The following GLG1 variants were observed in gnomAD, a reference collection of about 807,000 sequenced individuals.
GLG1 encodes the protein golgi glycoprotein 1.
A neutral mutation model predicts 160.5 loss-of-function variants in GLG1; 38 were observed. The observed-to-expected ratio is 0.24, with a 90% CI of 0.18 to 0.31. GLG1 has a LOEUF of 0.31. Ranked by LOEUF, GLG1 falls within the 10% of genes least tolerant of loss-of-function variation. The pLI, the probability that GLG1 is intolerant of heterozygous loss-of-function variation, is 1.00. For missense variants in GLG1, 1,373 were observed against 1,505.2 expected (o/e 0.91, Z 1.45); for synonymous variants, 644 against 543.4 (o/e 1.19, Z -2.57).
intron 1 of GLG1, among the ~76,000 whole-genome samples, chr16:74,588,435 C>A (rs1958099135): frequency 6.6e-6 from 1 of 151,910 alleles, no homozygotes; most frequent in South Asian, 2.1e-4. Flanking sequence ...CTGTTTCTTT[C>A]TTTCTTTTTT....
intron 1 of GLG1, among the ~76,000 whole-genome samples, chr16:74,580,766 A>G (rs1957921098): frequency 2.0e-5 from 3 of 152,192 alleles, no homozygotes; most frequent in African/African-American, 7.2e-5. Context: ...CTATCTGATG[A>G]GAGGTTAATA....
Position 74,452,980 on chromosome 16 carries a change from G to C in GLG1, c.*187C>G, listed in dbSNP as rs937642925. ...AGCGACCAGCTGCTGCTGCTGCACG[G>C]TGAGGAGGAGGAGGACACCATGGAC... On this transcript the variant is annotated 3_prime_UTR_variant, in exon 26 of 26. Coordinates refer to ENST00000422840, the MANE Select transcript of GLG1 (RefSeq NM_001145667.2). 7.6e-7 allele frequency: 1 copy of C among 1,309,260 alleles called. No individual in the cohort carries two copies. Among genetic ancestry groups the C allele is most frequent in the Admixed American group, 3.6e-5 (1 of 27,652 alleles). The allele number at this position is 1,309,260 out of a possible 1,614,324, so 81.1% of individuals were successfully genotyped here. A position where few individuals can be genotyped will look rare whatever the true frequency, so the allele number is the denominator to read the frequency against.
At chr16:74,492,823 G>GAA (rs370571319) in intron 7 of GLG1, 134 bp downstream of exon 7, 3,164 of 328,224 alleles carry the variant, frequency 9.6e-3, no homozygotes, top group Middle Eastern at 0.013. Context: ...TCCGTCTCAA[G>GAA]AAAAAAAAAA....
rs1298333461 is a variant in GLG1 at position 74,505,882 on chromosome 16, T to C, written c.559-2136A>G. On this transcript the variant is annotated intron_variant, in intron 3 of 25. Coordinates refer to ENST00000422840, the MANE Select transcript of GLG1 (RefSeq NM_001145667.2). ...AACAAATAAACAAAAAACCCAAAAT[T>C]AGCTGAGTGTGGTGCCACGCATCTG... Among the ~76,000 whole-genome samples the C allele has an allele frequency of 7.9e-5, 12 of 151,578 alleles. 1 individual carries two copies. Among genetic ancestry groups the C allele is most frequent in the Admixed American group, 7.2e-4 (11 of 15,210 alleles).
chr16:74,594,598 A>G (rs1958257632), intron 1 of GLG1, among the ~76,000 whole-genome samples: 1 of 152,182 alleles, frequency 6.6e-6, no homozygotes, highest in African/African-American at 2.4e-5. Flanking sequence ...ATCTAAGGCA[A>G]CCAAAATAAG....
chr16:74,491,950 TAAAACAAAAC>T lies in GLG1; in HGVS notation c.1235-745_1235-736del, dbSNP rs976579008. Among the ~76,000 whole-genome samples, 22 of 151,026 alleles carry T rather than the reference TAAAACAAAAC, an allele frequency of 1.5e-4. 2 individuals are homozygous for T. Among genetic ancestry groups the T allele is most frequent in the Admixed American group, 4.0e-4 (6 of 15,084 alleles). On this transcript the variant is annotated intron_variant, in intron 7 of 25. Coordinates refer to ENST00000422840, the MANE Select transcript of GLG1 (RefSeq NM_001145667.2). Reference sequence around the variant, plus strand: ...CCAGGAAAACTTAAAACAAAAAGATTAAAACAAAACAAAACAAAACAAAAACAGGTCACCC... The same window carrying T: ...CCAGGAAAACTTAAAACAAAAAGATTAAAACAAAACAAAAACAGGTCACCC...
chr16:74,591,019 C>T (rs1020052621), intron 1 of GLG1, among the ~76,000 whole-genome samples: 2 of 151,934 alleles, frequency 1.3e-5, no homozygotes, highest in Admixed American at 6.6e-5. Context: ...CAAAACTCTG[C>T]TGCCTAGTTA....
At chr16:74,506,525 C>T (rs891613691) in intron 3 of GLG1, among the ~76,000 whole-genome samples, 28 of 127,544 alleles carry the variant, frequency 2.2e-4, no homozygotes, top group Admixed American at 6.9e-4. Context: ...GAGCTTGCAG[C>T]GAGCAGAGAT....
chr16:74,483,986 C>T (rs558550345), intron 9 of GLG1, among the ~76,000 whole-genome samples: 145 of 151,198 alleles, frequency 9.6e-4, no homozygotes, highest in Non-Finnish European at 1.4e-3. Context: ...CTTTTTTTTT[C>T]ACAAGTTTGT....
At chr16:74,602,497 G>A (rs1052411947) in intron 1 of GLG1, among the ~76,000 whole-genome samples, 4 of 152,290 alleles carry the variant, frequency 2.6e-5, no homozygotes, top group African/African-American at 9.6e-5. Flanking sequence ...AAAATAAAAG[G>A]GCGGGGCTGG....
At chr16:74,456,332 A>T (rs1012311434) in intron 25 of GLG1, among the ~76,000 whole-genome samples, 1 of 152,162 alleles carries the variant, frequency 6.6e-6, no homozygotes, top group African/African-American at 2.4e-5. Context: ...GACCATGTTT[A>T]CTGTTTTTTA....
At chr16:74,534,041 G>A (rs1411094831) in intron 1 of GLG1, among the ~76,000 whole-genome samples, 1 of 152,030 alleles carries the variant, frequency 6.6e-6, no homozygotes, top group Non-Finnish European at 1.5e-5. Flanking sequence ...GAATTCAGTA[G>A]GCATTAGCAA....
chr16:74,556,683 T>A (rs2018362532), intron 1 of GLG1, among the ~76,000 whole-genome samples: 1 of 149,394 alleles, frequency 6.7e-6, no homozygotes, highest in Non-Finnish European at 1.5e-5. Context: ...AATAATATTA[T>A]TATTTTTTTA....
At chr16:74,534,316 T>C (rs893778713) in intron 1 of GLG1, among the ~76,000 whole-genome samples, 2 of 152,198 alleles carry the variant, frequency 1.3e-5, no homozygotes, top group African/African-American at 4.8e-5. Flanking sequence ...TTTACAAGAA[T>C]GCTTTTTCTT....
chr16:74,574,954 C>T (rs1324908835), intron 1 of GLG1, among the ~76,000 whole-genome samples: 3 of 74,808 alleles, frequency 4.0e-5, no homozygotes, highest in Non-Finnish European at 7.1e-5. Flanking sequence ...ATATAAAGAA[C>T]AAGAAGCCGG....
At chr16:74,554,625 G>C (rs1240806895) in intron 1 of GLG1, among the ~76,000 whole-genome samples, 1 of 152,136 alleles carries the variant, frequency 6.6e-6, no homozygotes, top group Non-Finnish European at 1.5e-5. Flanking sequence ...GAGCAGATGG[G>C]ACTTCATTAA....
rs9939922 is a variant in GLG1 at position 74,563,929 on chromosome 16, A to G, written c.439-31776T>C. Among the ~76,000 whole-genome samples, 665 of 152,018 alleles carry G rather than the reference A, an allele frequency of 4.4e-3. 6 individuals are homozygous for G. Among genetic ancestry groups the G allele is most frequent in the African/African-American group, 0.015 (638 of 41,474 alleles). ...TATCTGTGAAGTTGCTGACACTTTT[A>G]TTTTTATTCTTTGAGACAGGTTTTT... is the stretch of plus-strand genomic sequence containing the variant. On this transcript the variant is annotated intron_variant, in intron 1 of 25. Transcript: ENST00000422840.
At chr16:74,563,598 G>A (rs148914587) in intron 1 of GLG1, among the ~76,000 whole-genome samples, 2 of 151,980 alleles carry the variant, frequency 1.3e-5, no homozygotes, top group Non-Finnish European at 2.9e-5. Flanking sequence ...GTGGTGGCGT[G>A]TGCCTGTAGT....
At chr16:74,477,865 C>T (rs1213574617) in intron 11 of GLG1, among the ~76,000 whole-genome samples, 3 of 151,668 alleles carry the variant, frequency 2.0e-5, no homozygotes, top group South Asian at 2.1e-4. Flanking sequence ...CCTAGCTACT[C>T]GGGAGGCTGA....
Sources: gnomAD v4.1 joint callset for allele counts (sites outside exome capture counted in the v4.1 genomes callset) on GRCh38, gnomAD v4.1.1 for gene constraint, MANE v1.5 for transcripts, NCBI Gene and HGNC (gene_info 2026-07-23, HGNC 2026-07-21) for gene names.